The following TNFRSF14 variants were observed in gnomAD, a reference collection of about 807,000 sequenced individuals.
TNFRSF14 encodes TNF receptor superfamily member 14, also known as tumor necrosis factor receptor superfamily member 14.
In TNFRSF14, 18 loss-of-function variants were observed where a neutral mutation model predicts 34.1. The ratio of observed to expected loss-of-function variants is 0.53; its 90% CI spans 0.36 to 0.78. The LOEUF is 0.78. Ranked by LOEUF, TNFRSF14 falls within the 30% of genes least tolerant of loss-of-function variation. The pLI is 0.00. For missense variants in TNFRSF14, 352 were observed against 379.5 expected, an observed-to-expected ratio of 0.93 and a Z score of 0.60; for synonymous variants, 157 against 153.2, an observed-to-expected ratio of 1.02 and a Z score of -0.18.
chr1:2,557,937 G>A (rs1644243314), intron 2 of TNFRSF14, 103 bp downstream of exon 2: 4 of 1,002,152 alleles, frequency 4.0e-6, no homozygotes, highest in South Asian at 3.3e-5. Context: ...CACAGCCATG[G>A]GTGTGATGAA....
chr1:2,561,211 G>A lies in TNFRSF14; in HGVS notation c.552-462G>A. 1 of 418,980 alleles carries A rather than the reference G, an allele frequency of 2.4e-6. No homozygotes were observed. The highest frequency in any genetic ancestry group is 4.2e-6 in the Non-Finnish European group (1 of 235,830). The allele number at this position is 418,980 out of a possible 1,614,324, so 26.0% of individuals were successfully genotyped here. On this transcript the variant is annotated intron_variant, in intron 5 of 7. Transcript: ENST00000355716. This position sits in a 1 kb window ranked among gnomAD's most constrained non-coding sequence, Gnocchi z 6.0. Reference sequence around the variant, plus strand: ...CGGAGCCTGGGATGGAGCAGGGATGGCTGCCCCAGGGAGGGGGCGGTGGGG... The same window carrying A: ...CGGAGCCTGGGATGGAGCAGGGATGACTGCCCCAGGGAGGGGGCGGTGGGG...
chr1:2,559,111 G>C (rs1324267623), intron 3 of TNFRSF14: 3 of 1,364,632 alleles, frequency 2.2e-6, no homozygotes, highest in Non-Finnish European at 2.9e-6. Context: ...CAGGGCTGAC[G>C]GCACACCTGG....
At position 2,559,989 on chromosome 1, in the gene TNFRSF14, G is replaced by T; in HGVS notation, c.460+11G>T. 6.5e-7 allele frequency: 1 copy of T among 1,534,698 alleles called. No homozygotes were observed. The highest frequency in any genetic ancestry group is 8.8e-7 in the Non-Finnish European group (1 of 1,136,412). Reference sequence around the variant, plus strand: ...GGGTGCAGAAGGGAGGTAAGCGGTGGGTGGCGGACACCCCTCCCATTTCCA... The same window carrying T: ...GGGTGCAGAAGGGAGGTAAGCGGTGTGTGGCGGACACCCCTCCCATTTCCA... On this transcript the variant is annotated intron_variant, in intron 4 of 7. Transcript: ENST00000355716.
chr1:2,558,136 C>T (rs556694885), intron 2 of TNFRSF14, among the ~76,000 whole-genome samples: 2 of 152,318 alleles, frequency 1.3e-5, no homozygotes, highest in Non-Finnish European at 2.9e-5. Flanking sequence ...CCCAGGAGGC[C>T]CCATGTGCTT....
At chr1:2,557,626 C>T in intron 1 of TNFRSF14, 100 bp from the exon 2 acceptor site, 1 of 871,996 alleles carries the variant, frequency 1.1e-6, no homozygotes, top group Non-Finnish European at 1.7e-6. Flanking sequence ...ACTGCCGCTC[C>T]TCCCCATTGC....
chr1:2,562,092 C>T (rs1644318484), intron 6 of TNFRSF14: 4 of 513,046 alleles, frequency 7.8e-6, no homozygotes, highest in South Asian at 2.6e-5. Context: ...TGCCTGCCCC[C>T]TGTGGGATGT....
At chr1:2,557,255 C>T (rs546313111) in intron 1 of TNFRSF14, among the ~76,000 whole-genome samples, 4 of 152,370 alleles carry the variant, frequency 2.6e-5, no homozygotes, top group South Asian at 2.1e-4. Flanking sequence ...AGCCCAGGAA[C>T]GAGGCCACGG....
At chr1:2,558,562 A>G in intron 3 of TNFRSF14, 94 bp downstream of exon 3, 3 of 1,578,296 alleles carry the variant, frequency 1.9e-6, no homozygotes, top group Non-Finnish European at 1.7e-6. Flanking sequence ...GTGCCCCAGG[A>G]AGGCCCCGGC....
intron 6 of TNFRSF14, 112 bp from the exon 7 acceptor site, chr1:2,562,753 C>T (rs1644328760): frequency 7.1e-7 from 1 of 1,405,220 alleles, no homozygotes; most frequent in South Asian, 1.1e-5. Flanking sequence ...GGACGGTCTC[C>T]CAGGGAGAAG....
At position 2,561,651 on chromosome 1, in the gene TNFRSF14, G is replaced by A. The variant is rs371607541; in HGVS notation, c.552-22G>A. ...TGGGCGCTGCACCTGCCTCTCCCAC[G>A]TCCTCGGCCCCACTCCCGCAGGTGC... On this transcript the variant is annotated intron_variant, in intron 5 of 7. Transcript: ENST00000355716. This position sits in a 1 kb window ranked among gnomAD's most constrained non-coding sequence, Gnocchi z 6.0. The A allele has an allele frequency of 1.4e-5, 23 of 1,612,186 alleles. No homozygotes were observed. The highest frequency in any genetic ancestry group is 7.7e-5 in the South Asian group (7 of 91,016).
chr1:2,557,720 C>T lies in TNFRSF14; in HGVS notation c.70-6C>T, dbSNP rs1328881517. ...CATCTCCCAATGCCTGTCCTGACCC[C>T]CTTAGGTGCTGTATCTCACCTTCCT... On this transcript the variant is annotated splice_region_variant and splice_polypyrimidine_tract_variant and intron_variant, in intron 1 of 7. Coordinates refer to ENST00000355716, the MANE Select transcript of TNFRSF14 (RefSeq NM_003820.4). 6.2e-7 allele frequency: 1 copy of T among 1,601,078 alleles called. No homozygotes were observed. The highest frequency in any genetic ancestry group is 8.5e-7 in the Non-Finnish European group (1 of 1,173,208).
chr1:2,563,356 A>G lies in TNFRSF14; in HGVS notation c.*83A>G. The stretch of plus-strand genomic sequence containing the variant: ...GCTGTCCACCTGGCGGAACCACCGG[A>G]GCCCGGAGGCTTGGGGGCTCCGCCC... On this transcript the variant is annotated 3_prime_UTR_variant, in exon 8 of 8. Coordinates refer to ENST00000355716, the MANE Select transcript of TNFRSF14 (RefSeq NM_003820.4). 1 of 1,576,240 alleles carries G rather than the reference A, an allele frequency of 6.3e-7. No homozygotes were observed. Among genetic ancestry groups the G allele is most frequent in the Non-Finnish European group, 8.6e-7 (1 of 1,159,024 alleles).
At chr1:2,559,708 G>A in intron 3 of TNFRSF14, 115 bp from the exon 4 acceptor site, 1 of 1,536,726 alleles carries the variant, frequency 6.5e-7, no homozygotes, top group Non-Finnish European at 8.7e-7. Flanking sequence ...TGAGCCAGGG[G>A]TTCAGCCTGG....
At position 2,557,831 on chromosome 1, in the gene TNFRSF14, C is replaced by A. The variant is rs1295561669; in HGVS notation, c.175C>A (p.Pro59Thr). ...VGSECCPKCS[P>T]GYRVKEACGE... ...CTCCGAGTGCTGCCCCAAGTGCAGT[C>A]CAGGTAGGTGCAGCCCTTTGGCGGG... Residue 59 changes from proline to threonine, a missense_variant, in exon 2 of 8, where the codon CCA becomes ACA. Transcript: ENST00000355716. The A allele has an allele frequency of 1.2e-6, 2 of 1,606,190 alleles. No homozygotes were observed. The highest frequency in any genetic ancestry group is 1.7e-6 in the Non-Finnish European group (2 of 1,175,560).
intron 4 of TNFRSF14, 31 bp from the exon 5 acceptor site, chr1:2,560,593 C>A: frequency 6.3e-7 from 1 of 1,588,720 alleles, no homozygotes; most frequent in Non-Finnish European, 8.6e-7. Flanking sequence ...CTGGTGCCCT[C>A]AGCCCCCTCT....
rs35239228 is a variant in TNFRSF14 at position 2,559,926 on chromosome 1, C to T, written c.408C>T (p.Ala136=). 9.6e-5 allele frequency: 154 copies of T among 1,599,104 alleles called. No individual in the cohort carries two copies. The African/African-American group carries it at 1.4e-3, about 14-fold the overall frequency. ...TCGTCCAGGACGGGGACCACTGCGC[C>T]GCGTGCCGCGCTTACGCCACCTCCA... The part of the protein sequence containing the change: ...FCIVQDGDHC[A]ACRAYATSSP... The change falls in exon 4 of 8, where the codon GCC becomes GCT. Residue 136 remains alanine, a synonymous_variant. Coordinates refer to ENST00000355716, the MANE Select transcript of TNFRSF14 (RefSeq NM_003820.4).
At chr1:2,562,450 T>C in intron 6 of TNFRSF14, 1 of 281,484 alleles carries the variant, frequency 3.6e-6, no homozygotes, top group South Asian at 4.4e-5. Flanking sequence ...GGGCCTCCAA[T>C]GCGGGGAGGT....
chr1:2,563,123 G>T (rs1644335010), intron 7 of TNFRSF14, 25 bp from the exon 8 acceptor site: 2 of 1,612,498 alleles, frequency 1.2e-6, no homozygotes, highest in African/African-American at 1.3e-5. Context: ...AGCAGGCAGG[G>T]TCTCCACGAT....
At chr1:2,557,081 A>C in intron 1 of TNFRSF14, 1 of 329,820 alleles carries the variant, frequency 3.0e-6, no homozygotes, top group Non-Finnish European at 5.6e-6. Context: ...CGAGCAGGTG[A>C]CCCAACTCCC....
Sources: allele counts gnomAD v4.1 joint callset (sites outside exome capture counted in the v4.1 genomes callset), GRCh38; gene constraint gnomAD v4.1.1; non-coding constraint Gnocchi (gnomAD v3.1); transcripts MANE v1.5; gene names NCBI Gene and HGNC (gene_info 2026-07-23, HGNC 2026-07-21).